ARMH3: variants seen among roughly 807,000 people sequenced by gnomAD.
The protein encoded by ARMH3 is armadillo-like helical domain-containing protein 3.
ARMH3 carries 60 observed loss-of-function variants against 99.1 expected under a neutral mutation model. The observed-to-expected ratio is 0.61, with a 90% CI of 0.49 to 0.75. The LOEUF is 0.75. Among genes scored for constraint, ARMH3 ranks in the 30% least tolerant of loss-of-function variants. The pLI is 0.00. For missense variants in ARMH3, 679 were observed against 843.1 expected, an observed-to-expected ratio of 0.81 and a Z score of 2.41; for synonymous variants, 285 against 292.8, an observed-to-expected ratio of 0.97 and a Z score of 0.27.
chr10:101,965,155 T>C lies in ARMH3; in HGVS notation c.1496-7423A>G, dbSNP rs757272077. Among the ~76,000 whole-genome samples, 46 of 152,286 alleles carry C rather than the reference T, an allele frequency of 3.0e-4. 1 individual carries two copies. In the Middle Eastern group the frequency reaches 0.01, roughly 34 times the overall value. On this transcript the variant is annotated intron_variant, in intron 20 of 25. Transcript: ENST00000370033. ...CACTGAACTGTATGGTTAAACATAG[T>C]TACAATGATAAATTTTATGTTTATT...
chr10:101,884,438 GC>G (rs2067491774), intron 24 of ARMH3, among the ~76,000 whole-genome samples: 1 of 152,150 alleles, frequency 6.6e-6, no homozygotes, highest in African/African-American at 2.4e-5. Flanking sequence ...GGGACAAGGG[GC>G]CTGAAGGACA....
intron 23 of ARMH3, among the ~76,000 whole-genome samples, chr10:101,902,888 T>C (rs996230665): frequency 2.0e-5 from 3 of 151,986 alleles, no homozygotes; most frequent in African/African-American, 7.3e-5. Flanking sequence ...AAGATGAAGG[T>C]CTTTAGGGGA....
chr10:101,930,719 T>A (rs538003800), intron 23 of ARMH3, among the ~76,000 whole-genome samples: 1 of 152,258 alleles, frequency 6.6e-6, no homozygotes, highest in Non-Finnish European at 1.5e-5. Context: ...TTATTTTGTG[T>A]CTCTGGTCCC....
In ARMH3 at chr10:101,944,315, G is replaced by T. The variant is rs1234258166; in HGVS notation, c.1706-4377C>A. Among the ~76,000 whole-genome samples the T allele has an allele frequency of 5.1e-5, 6 of 117,474 alleles. No individual in the cohort carries two copies. In the Admixed American group the frequency reaches 5.1e-4, roughly 10 times the overall value. 77.1% of individuals were successfully genotyped at this position (117,474 alleles called of 152,430 possible). A position where few individuals can be genotyped will look rare whatever the true frequency, so the allele number is the denominator to read the frequency against. ...AGAGAGAGAGAGAGAGAGAGAGAGA[G>T]AGAGAGAGAGAGAGTCCAAACTGAG... On this transcript the variant is annotated intron_variant, in intron 22 of 25. Coordinates refer to ENST00000370033, the MANE Select transcript of ARMH3 (RefSeq NM_024541.3).
At chr10:101,964,865 T>C (rs1845466034) in intron 20 of ARMH3, among the ~76,000 whole-genome samples, 1 of 149,872 alleles carries the variant, frequency 6.7e-6, no homozygotes, top group Non-Finnish European at 1.5e-5. Flanking sequence ...AAAAAAAAAT[T>C]AGCCTGGCAT....
chr10:102,005,546 T>TA (rs2066464521), intron 14 of ARMH3, among the ~76,000 whole-genome samples: 1 of 152,090 alleles, frequency 6.6e-6, no homozygotes. Flanking sequence ...TATGAAAACT[T>TA]AAAGGAGAGA....
chr10:101,925,907 T>C (rs1292557599), intron 23 of ARMH3, among the ~76,000 whole-genome samples: 1 of 152,024 alleles, frequency 6.6e-6, no homozygotes, highest in Non-Finnish European at 1.5e-5. Context: ...CAAGACTCCC[T>C]CTCAAAAAAA....
In ARMH3 at chr10:101,969,168, T is replaced by C. The variant is rs1845664933; in HGVS notation, c.1495+6044A>G. Among the ~76,000 whole-genome samples the C allele has an allele frequency of 3.9e-5, 6 of 152,168 alleles. 1 individual carries two copies. In the South Asian group the frequency reaches 1.2e-3, roughly 32 times the overall value. ...TGTTCTTTCCCGCCTGGATACTCTC[T>C]TCAAAACTAAAAGAAGCAATGTTGT... On this transcript the variant is annotated intron_variant, in intron 20 of 25. Coordinates refer to ENST00000370033, the MANE Select transcript of ARMH3 (RefSeq NM_024541.3).
chr10:101,971,701 A>G (rs975668857), intron 20 of ARMH3, among the ~76,000 whole-genome samples: 1 of 152,232 alleles, frequency 6.6e-6, no homozygotes, highest in Non-Finnish European at 1.5e-5. Context: ...CTGTGAAACT[A>G]TATGCAAAAT....
intron 24 of ARMH3, among the ~76,000 whole-genome samples, chr10:101,866,665 AT>A (rs985852712): frequency 3.9e-5 from 6 of 152,180 alleles, no homozygotes; most frequent in African/African-American, 1.4e-4. Flanking sequence ...CTCTAATGTG[AT>A]TAGAGAAAAA....
chr10:101,872,899 A>G (rs1214762570), intron 24 of ARMH3, among the ~76,000 whole-genome samples: 4 of 151,940 alleles, frequency 2.6e-5, no homozygotes, highest in African/African-American at 4.8e-5. Context: ...TGAAGATTGC[A>G]GCGAGCCGAG....
chr10:101,994,314 G>A (rs1029373881), intron 16 of ARMH3, among the ~76,000 whole-genome samples: 1 of 152,144 alleles, frequency 6.6e-6, no homozygotes, highest in African/African-American at 2.4e-5. Flanking sequence ...CAGGCCCACT[G>A]CTAATAAGCA....
rs180752885 is a variant in ARMH3 at position 101,847,491 on chromosome 10, G to T, written c.*37C>A. 6.3e-7 allele frequency: 1 copy of T among 1,593,938 alleles called. No homozygotes were observed. The highest frequency in any genetic ancestry group is 1.3e-5 in the African/African-American group (1 of 74,474). ...CCCCTCCAGCCCATGATCCTCATGGGTAAGGGCAGTCAGAGGCTGCTCAGG... is the reference window on the plus strand; with the variant it reads ...CCCCTCCAGCCCATGATCCTCATGGTTAAGGGCAGTCAGAGGCTGCTCAGG... On this transcript the variant is annotated 3_prime_UTR_variant, in exon 26 of 26. Transcript: ENST00000370033.
In ARMH3 at chr10:101,846,677, A is replaced by C. The variant is rs1429484478; in HGVS notation, c.*851T>G. ...AATTCTGAATTCAGAAAATAGGAAA[A>C]CTGGCTGGGTGTGGTGGCTCACGCC... On this transcript the variant is annotated 3_prime_UTR_variant, in exon 26 of 26. Transcript: ENST00000370033. 1 of 152,222 alleles carries C rather than the reference A, an allele frequency of 6.6e-6. No individual in the cohort carries two copies. Among genetic ancestry groups the C allele is most frequent in the Non-Finnish European group, 1.5e-5 (1 of 68,076 alleles). The allele number at this position is 152,222 out of a possible 1,614,324, so 9.4% of individuals were successfully genotyped here.
chr10:101,996,047 A>C (rs1315626301), intron 15 of ARMH3, among the ~76,000 whole-genome samples: 1 of 152,242 alleles, frequency 6.6e-6, no homozygotes, highest in Admixed American at 6.5e-5. Flanking sequence ...AAAAAGAAGA[A>C]GACAACCTCA....
chr10:101,857,187 G>A (rs765320346), intron 24 of ARMH3, among the ~76,000 whole-genome samples: 14 of 152,200 alleles, frequency 9.2e-5, no homozygotes, highest in Non-Finnish European at 2.9e-5. Flanking sequence ...GCCAGGTGCA[G>A]TGGCTCATAT....
intron 1 of ARMH3, among the ~76,000 whole-genome samples, chr10:102,054,813 T>C (rs907832047): frequency 2.0e-5 from 3 of 151,816 alleles, no homozygotes; most frequent in Non-Finnish European, 4.4e-5. Flanking sequence ...CTGGCCAACA[T>C]GGCGAAACCC....
At chr10:101,978,265 G>A (rs922366681) in intron 19 of ARMH3, among the ~76,000 whole-genome samples, 2 of 150,092 alleles carry the variant, frequency 1.3e-5, no homozygotes, top group African/African-American at 5.1e-5. Context: ...GTTCCAGATT[G>A]ACATCTGTCC....
At chr10:101,995,164 A>G in intron 16 of ARMH3, 133 bp downstream of exon 16, 2 of 756,852 alleles carry the variant, frequency 2.6e-6, no homozygotes, top group Admixed American at 4.7e-5. Context: ...GACAGATAAT[A>G]CAAAGGGGGA....
Sources: gnomAD v4.1 joint callset for allele counts (sites outside exome capture counted in the v4.1 genomes callset) on GRCh38, gnomAD v4.1.1 for gene constraint, MANE v1.5 for transcripts, NCBI Gene and HGNC (gene_info 2026-07-23, HGNC 2026-07-21) for gene names.